The following VKORC1L1 variants were observed in gnomAD, a reference collection of about 807,000 sequenced individuals.
The protein encoded by VKORC1L1 is vitamin K epoxide reductase complex subunit 1-like protein 1.
A neutral mutation model predicts 18.9 loss-of-function variants in VKORC1L1; 2 were observed. The ratio of observed to expected loss-of-function variants is 0.11; its 90% CI spans 0.04 to 0.33. The LOEUF is 0.33. VKORC1L1 is among the 10% of genes least tolerant of loss of function. The probability of loss-of-function intolerance (pLI) is 1.00; values close to 1 mark genes in which losing one functional copy is unlikely to be tolerated. For synonymous variants in VKORC1L1, 96 were observed against 100.0 expected (o/e 0.96, Z 0.24); for missense variants, 123 against 224.1 (o/e 0.55, Z 2.88).
At chr7:65,909,689 T>TG (rs1491434790) in intron 1 of VKORC1L1, among the ~76,000 whole-genome samples, 4,230 of 134,758 alleles carry the variant, frequency 0.031, 237 homozygotes, top group African/African-American at 0.11. Flanking sequence ...TGTTTTAGCC[T>TG]TTGTGTGTGT....
At chr7:65,876,097 G>A (rs997278888) in intron 1 of VKORC1L1, among the ~76,000 whole-genome samples, 5 of 152,178 alleles carry the variant, frequency 3.3e-5, no homozygotes, top group African/African-American at 9.6e-5. Flanking sequence ...ATATTTCACC[G>A]AAATTAGTAG....
rs182339198 is a variant in VKORC1L1, at chr7:65,875,376, C to T, written c.194+1811C>T. Among the ~76,000 whole-genome samples the T allele has an allele frequency of 2.8e-4, 42 of 152,108 alleles. No homozygotes were observed. In the East Asian group the frequency reaches 6.8e-3, roughly 24 times the overall value. ...TCATTTTCTTTTGGAAGTGTGTAGA[C>T]AAAACATCATTGAAAGTTTTTATTT... is the stretch of plus-strand genomic sequence containing the variant. On this transcript the variant is annotated intron_variant, in intron 1 of 2. Transcript: ENST00000360768.
At chr7:65,869,272 C>A (rs375153898), upstream of VKORC1L1, among the ~76,000 whole-genome samples, 1 of 151,878 alleles carries the variant, frequency 6.6e-6, no homozygotes, top group Non-Finnish European at 1.5e-5. Context: ...CAAGATCACA[C>A]CACTGCACTC....
At chr7:65,874,385 A>G (rs965256871) in intron 1 of VKORC1L1, among the ~76,000 whole-genome samples, 8 of 151,912 alleles carry the variant, frequency 5.3e-5, no homozygotes, top group Non-Finnish European at 1.0e-4. Context: ...CTATTAGCAT[A>G]TTCGAGACCA....
At chr7:65,935,841 T>G (rs556968864) in intron 1 of VKORC1L1, among the ~76,000 whole-genome samples, 52 of 152,330 alleles carry the variant, frequency 3.4e-4, no homozygotes, top group African/African-American at 1.2e-3. Flanking sequence ...TATTAGCTAC[T>G]ATTTTTTCAT....
chr7:65,897,643 T>C (rs1234191237), intron 1 of VKORC1L1, among the ~76,000 whole-genome samples: 2 of 151,348 alleles, frequency 1.3e-5, no homozygotes, highest in African/African-American at 4.8e-5. Context: ...GTAGTATTAC[T>C]CTTGCGGAGC....
rs1788892515 is a variant in VKORC1L1 at position 65,879,662 on chromosome 7, T to TTG, written c.194+6098_194+6099insGT. Among the ~76,000 whole-genome samples the TTG allele has an allele frequency of 3.3e-5, 5 of 151,964 alleles. No individual in the cohort carries two copies. The South Asian group carries it at 6.2e-4, about 19-fold the overall frequency. ...ACCACTACTCTTTCGTCTTCCTTTC[T>TTG]TCCTTTCCCTCCCACCCTCCTTCTT... On this transcript the variant is annotated intron_variant, in intron 1 of 2. Coordinates refer to ENST00000360768, the MANE Select transcript of VKORC1L1 (RefSeq NM_173517.6).
intron 1 of VKORC1L1, among the ~76,000 whole-genome samples, chr7:65,876,529 C>T (rs1295827203): frequency 2.6e-5 from 4 of 151,440 alleles, no homozygotes; most frequent in Admixed American, 1.3e-4. Flanking sequence ...AGTTTACTTT[C>T]GTGTCCTTAC....
intron 1 of VKORC1L1, among the ~76,000 whole-genome samples, chr7:65,912,794 G>T (rs1789521745): frequency 6.6e-6 from 1 of 152,052 alleles, no homozygotes; most frequent in Non-Finnish European, 1.5e-5. Flanking sequence ...CATTTTAAAA[G>T]ATAAAAATAT....
intron 1 of VKORC1L1, among the ~76,000 whole-genome samples, chr7:65,934,687 C>T (rs754289788): frequency 2.6e-5 from 4 of 152,266 alleles, no homozygotes; most frequent in Admixed American, 2.0e-4. Flanking sequence ...ATTCCATCCA[C>T]GTCACCAATG....
intron 1 of VKORC1L1, among the ~76,000 whole-genome samples, chr7:65,878,857 G>C (rs1356909355): frequency 1.3e-5 from 2 of 152,136 alleles, no homozygotes; most frequent in East Asian, 3.9e-4. Flanking sequence ...GTGGTGAGCT[G>C]AGGTCGTGCC....
chr7:65,889,436 T>C (rs928953277), intron 1 of VKORC1L1, among the ~76,000 whole-genome samples: 11 of 152,358 alleles, frequency 7.2e-5, no homozygotes, highest in African/African-American at 2.6e-4. Flanking sequence ...GTCAGAAACC[T>C]GGGACTTGTC....
intron 2 of VKORC1L1, among the ~76,000 whole-genome samples, chr7:65,949,312 T>C (rs891740676): frequency 6.6e-6 from 1 of 151,796 alleles, no homozygotes; most frequent in Non-Finnish European, 1.5e-5. Flanking sequence ...AAACCCTGTC[T>C]CTACTAAAAA....
At position 65,937,115 on chromosome 7, in the gene VKORC1L1, TTTGTTGTTG is replaced by T. The variant is rs140101281; in HGVS notation, c.195-11541_195-11533del. 3.9e-5 allele frequency among the ~76,000 whole-genome samples: 6 copies of T among 152,068 alleles called. No homozygotes were observed. In the East Asian group the frequency reaches 9.7e-4, roughly 25 times the overall value. On this transcript the variant is annotated intron_variant, in intron 1 of 2. Transcript: ENST00000360768. ...CAGAAAGAAGTTTTATGGGTTTTGTTTTGTTGTTGTTGTTGTTGTTGTTTTGCTGTCTGA... is the reference window on the plus strand; with the variant it reads ...CAGAAAGAAGTTTTATGGGTTTTGTTTTGTTGTTGTTGTTTTGCTGTCTGA...
intron 1 of VKORC1L1, among the ~76,000 whole-genome samples, chr7:65,888,570 A>C (rs1583826496): frequency 6.6e-6 from 1 of 152,056 alleles, no homozygotes; most frequent in African/African-American, 2.4e-5. Flanking sequence ...GGCCTTGGAC[A>C]CCTGCCTTGG....
chr7:65,950,249 CA>C (rs1790190958), intron 2 of VKORC1L1, among the ~76,000 whole-genome samples: 1 of 152,110 alleles, frequency 6.6e-6, no homozygotes, highest in African/African-American at 2.4e-5. Context: ...ATATGTGTTA[CA>C]AACATTTTAT....
intron 1 of VKORC1L1, among the ~76,000 whole-genome samples, chr7:65,946,607 G>C (rs921823931): frequency 1.6e-4 from 25 of 152,128 alleles, no homozygotes; most frequent in Non-Finnish European, 3.4e-4. Flanking sequence ...TAATTTTCCT[G>C]TGTATCTGTT....
chr7:65,900,553 A>G (rs1334138896), intron 1 of VKORC1L1, among the ~76,000 whole-genome samples: 1 of 152,226 alleles, frequency 6.6e-6, no homozygotes, highest in Non-Finnish European at 1.5e-5. Flanking sequence ...CTGTAATCCC[A>G]GCACTTTGGG....
At chr7:65,946,413 T>C (rs1054146425) in intron 1 of VKORC1L1, among the ~76,000 whole-genome samples, 1 of 152,108 alleles carries the variant, frequency 6.6e-6, no homozygotes, top group Non-Finnish European at 1.5e-5. Flanking sequence ...TCTCCAAGTG[T>C]GGGCTTCAGA....
Sources: gnomAD v4.1 joint callset for allele counts (sites outside exome capture counted in the v4.1 genomes callset) on GRCh38, gnomAD v4.1.1 for gene constraint, MANE v1.5 for transcripts, NCBI Gene and HGNC (gene_info 2026-07-23, HGNC 2026-07-21) for gene names.